Variants in SPATA32 observed in about 807,000 individuals in gnomAD.
The protein encoded by SPATA32 is spermatogenesis-associated protein 32.
Under a neutral mutation model 35.4 loss-of-function variants are expected in SPATA32, and 28 were observed. That is an observed-to-expected ratio of 0.79 (90% CI 0.59 to 1.09). The LOEUF (loss-of-function observed/expected upper bound fraction) is 1.09. Among genes scored for constraint, SPATA32 ranks in the 50% least tolerant of loss-of-function variants. SPATA32 has a pLI of 0.00. For synonymous variants in SPATA32, 168 were observed against 196.3 expected, an observed-to-expected ratio of 0.86 and a Z score of 1.20; for missense variants, 409 against 475.9, an observed-to-expected ratio of 0.86 and a Z score of 1.31.
intron 1 of SPATA32, chr17:45,261,117 C>G (rs1470459896): frequency 3.7e-5 from 1 of 27,278 alleles, no homozygotes; most frequent in Non-Finnish European, 6.9e-5. Flanking sequence ...TTTTTTTTGA[C>G]AGGGTCTTGC....
At position 45,261,318 on chromosome 17, in the gene SPATA32, C is replaced by T. The variant is rs142928829; in HGVS notation, c.13+686G>A. Among the ~76,000 whole-genome samples, 307 of 152,274 alleles carry T rather than the reference C, an allele frequency of 2.0e-3. 1 individual carries two copies. Among genetic ancestry groups the T allele is most frequent in the African/African-American group, 7.1e-3 (294 of 41,546 alleles). On this transcript the variant is annotated intron_variant, in intron 1 of 4. Transcript: ENST00000331780. ...TAGGCTGATCTTGAACTCCTGGCCT[C>T]ATGTGATCCTCCCACCTCTGCCTCC...
chr17:45,256,027 A>G lies in SPATA32; in HGVS notation c.155T>C (p.Leu52Pro). 1.2e-6 allele frequency: 2 copies of G among 1,613,070 alleles called. No homozygotes were observed. The highest frequency in any genetic ancestry group is 1.1e-5 in the South Asian group (1 of 91,004). ...LEQKPQLQVD[L>P]DLDPDPDPDP... ...TGGGTCTGGGTCTGGGTCCAGGTCC[A>G]GGTCCACTTGGAGTTGGGGCTTCTG... The change falls in exon 4 of 5, where the codon CTG (leucine) becomes CCG (proline). Residue 52 changes from leucine to proline, a missense_variant. Transcript: ENST00000331780. This position sits in a 1 kb window ranked among gnomAD's most constrained non-coding sequence, Gnocchi z 4.7.
intron 1 of SPATA32, among the ~76,000 whole-genome samples, chr17:45,258,679 C>T (rs181423968): frequency 2.0e-5 from 3 of 152,234 alleles, no homozygotes; most frequent in Admixed American, 1.3e-4. Flanking sequence ...CTGTCACCCA[C>T]GCTGGAGTGT....
Position 45,255,041 on chromosome 17 carries a change from C to T in SPATA32, c.1067+74G>A. 7.0e-7 allele frequency: 1 copy of T among 1,437,224 alleles called. No individual in the cohort carries two copies. Among genetic ancestry groups the T allele is most frequent in the Admixed American group, 1.8e-5 (1 of 55,312 alleles). The allele number at this position is 1,437,224 out of a possible 1,614,324, so 89.0% of individuals were successfully genotyped here. A position where few individuals can be genotyped will look rare whatever the true frequency, so the allele number is the denominator to read the frequency against. On this transcript the variant is annotated intron_variant, in intron 4 of 4. Coordinates refer to ENST00000331780, the MANE Select transcript of SPATA32 (RefSeq NM_152343.3). This position sits in a 1 kb window ranked among gnomAD's most constrained non-coding sequence, Gnocchi z 5.4. ...CTCATTCCACTGTTCCCCACCCCTA[C>T]CCAGCTGTGTGAGGACCCCTGCCAC... is the stretch of plus-strand genomic sequence containing the variant.
intron 1 of SPATA32, among the ~76,000 whole-genome samples, chr17:45,258,704 G>A (rs1043015203): frequency 2.6e-5 from 4 of 151,428 alleles, no homozygotes; most frequent in African/African-American, 7.3e-5. Context: ...GTGTGATCTC[G>A]GCTCACTGTA....
chr17:45,257,327 C>T, intron 1 of SPATA32, 120 bp from the exon 2 acceptor site: 4 of 1,093,614 alleles, frequency 3.7e-6, no homozygotes, highest in Non-Finnish European at 5.4e-6. Context: ...GCTATTCCCC[C>T]TCACCGTCCT....
chr17:45,259,588 C>T (rs763773966), intron 1 of SPATA32, among the ~76,000 whole-genome samples: 16 of 151,958 alleles, frequency 1.1e-4, no homozygotes, highest in African/African-American at 1.7e-4. Context: ...AGTTCAGTGG[C>T]GCAATTTCAG....
intron 1 of SPATA32, among the ~76,000 whole-genome samples, chr17:45,259,612 CCT>C: frequency 6.6e-6 from 1 of 151,946 alleles, no homozygotes; most frequent in South Asian, 2.1e-4. Flanking sequence ...CCTCAACCTC[CCT>C]GTCTCAAGTG....
At chr17:45,261,610 A>C (rs1341699571) in intron 1 of SPATA32, among the ~76,000 whole-genome samples, 1 of 152,248 alleles carries the variant, frequency 6.6e-6, no homozygotes, top group Non-Finnish European at 1.5e-5. Flanking sequence ...CAAAGCCTCA[A>C]GCATCAAGGA....
In SPATA32 at chr17:45,255,746, G is replaced by A; in HGVS notation, c.436C>T (p.His146Tyr). 1 of 1,614,046 alleles carries A rather than the reference G, an allele frequency of 6.2e-7. No individual in the cohort carries two copies. Among genetic ancestry groups the A allele is most frequent in the South Asian group, 1.1e-5 (1 of 91,084 alleles). Residue 146 changes from histidine (H) to tyrosine (Y), a missense_variant, in exon 4 of 5, where the codon CAT (histidine) becomes TAT (tyrosine). Coordinates refer to ENST00000331780, the MANE Select transcript of SPATA32 (RefSeq NM_152343.3). This position sits in a 1 kb window ranked among gnomAD's most constrained non-coding sequence, Gnocchi z 5.4. ...GAGGTCTGCGCACTGATGGAGTGAT[G>A]GCAGGCAGACACGTGGTTCTCCTCC... Reference protein sequence around the residue: ...FTEENHVSACHHSISAQTSKH... With the variant: ...FTEENHVSACYHSISAQTSKH...
intron 1 of SPATA32, chr17:45,261,801 G>A (rs1428893792): frequency 4.3e-6 from 2 of 465,410 alleles, no homozygotes; most frequent in Non-Finnish European, 7.0e-6. Flanking sequence ...GCACCGCGCA[G>A]GGGCTGAGGC....
In SPATA32 at chr17:45,255,907, T is replaced by C; in HGVS notation, c.275A>G (p.Asn92Ser). The C allele has an allele frequency of 4.3e-6, 7 of 1,614,072 alleles. No individual in the cohort carries two copies. Among genetic ancestry groups the C allele is most frequent in the South Asian group, 1.1e-5 (1 of 91,082 alleles). ...KLEAELDTEA[N>S]SNEESDFEEP... ...TTCAAAGTCAGACTCCTCGTTCGAG[T>C]TGGCTTCCGTGTCCAGCTCAGCTTC... Residue 92 changes from asparagine to serine, a missense_variant, in exon 4 of 5, where the codon AAC becomes AGC. By Grantham distance (46) the Asn-to-Ser change is conservative. Coordinates refer to ENST00000331780, the MANE Select transcript of SPATA32 (RefSeq NM_152343.3). The surrounding 1 kb of genome is among the most constrained non-coding windows in gnomAD (Gnocchi z 5.4).
rs1398917669 is a variant in SPATA32, at chr17:45,256,747, G to A, written c.69-332C>T. Among the ~76,000 whole-genome samples the A allele has an allele frequency of 6.6e-6, 1 of 152,208 alleles. No homozygotes were observed. Among genetic ancestry groups the A allele is most frequent in the South Asian group, 2.1e-4 (1 of 4,818 alleles). ...CAGGTGAGCTGGGGCAACTCACTTC[G>A]AGGATTAGTGCCCAGAACACTAGTC... On this transcript the variant is annotated intron_variant, in intron 2 of 4. Coordinates refer to ENST00000331780, the MANE Select transcript of SPATA32 (RefSeq NM_152343.3). The surrounding 1 kb of genome is among the most constrained non-coding windows in gnomAD (Gnocchi z 4.7).
rs746701164 is a variant in SPATA32, at chr17:45,254,443, T to C, written c.1138A>G (p.Thr380Ala). The C allele has an allele frequency of 6.2e-7, 1 of 1,614,200 alleles. No individual in the cohort carries two copies. Among genetic ancestry groups the C allele is most frequent in the South Asian group, 1.1e-5 (1 of 91,090 alleles). Residue 380 changes from threonine to alanine, a missense_variant, in exon 5 of 5, where the codon ACA (threonine) becomes GCA (alanine). By Grantham distance (58) the Thr-to-Ala change is moderately conservative. Transcript: ENST00000331780. ...CTGTCTAGTCATTTCTCTGGGATTGTGGGGGCTGACAGCTTAAAATGGATT... is the reference window on the plus strand; with the variant it reads ...CTGTCTAGTCATTTCTCTGGGATTGCGGGGGCTGACAGCTTAAAATGGATT... ...VKIHFKLSAP[T>A]IPEK is the part of the protein sequence containing the mutation.
chr17:45,262,057 T>C lies in SPATA32; in HGVS notation c.-41A>G, dbSNP rs745558156. 7.6e-7 allele frequency: 1 copy of C among 1,310,480 alleles called. No individual in the cohort carries two copies. The highest frequency in any genetic ancestry group is 3.1e-5 in the Admixed American group (1 of 32,742). 81.2% of individuals were successfully genotyped at this position (1,310,480 alleles called of 1,614,324 possible). A position where few individuals can be genotyped will look rare whatever the true frequency, so the allele number is the denominator to read the frequency against. On this transcript the variant is annotated 5_prime_UTR_variant, in exon 1 of 5. Coordinates refer to ENST00000331780, the MANE Select transcript of SPATA32 (RefSeq NM_152343.3). Reference sequence around the variant, plus strand: ...GTCCTGGAGGCGGGGAGCGGGCTGGTGGATGCTGCCTCTCCGCCTCCAGTG... The same window carrying C: ...GTCCTGGAGGCGGGGAGCGGGCTGGCGGATGCTGCCTCTCCGCCTCCAGTG...
rs1391957392 is a variant in SPATA32, at chr17:45,257,160, C to T, written c.61G>A (p.Glu21Lys). The change falls in exon 2 of 5, where the codon GAG (glutamate) becomes AAG (lysine). Residue 21 changes from glutamate to lysine, a missense_variant. Glu to Lys is a moderately conservative substitution (Grantham distance 56). Coordinates refer to ENST00000331780, the MANE Select transcript of SPATA32 (RefSeq NM_152343.3). ...CCGKGSVEVA[E>K]MRDDLSQHQI... ...ATTGAGGATGGTTCTCACCGCATCTCTGCAACCTCCACTGACCCTTTGCCG... is the reference window on the plus strand; with the variant it reads ...ATTGAGGATGGTTCTCACCGCATCTTTGCAACCTCCACTGACCCTTTGCCG... 1.9e-6 allele frequency: 3 copies of T among 1,612,512 alleles called. No homozygotes were observed. Among genetic ancestry groups the T allele is most frequent in the African/African-American group, 2.7e-5 (2 of 74,870 alleles).
rs541817437 is a variant in SPATA32 at position 45,254,997 on chromosome 17, C to T, written c.1067+118G>A. 3.0e-5 allele frequency: 30 copies of T among 993,014 alleles called. No homozygotes were observed. The African/African-American group carries it at 4.5e-4, about 15-fold the overall frequency. The allele number at this position is 993,014 out of a possible 1,614,324, so 61.5% of individuals were successfully genotyped here. A position where few individuals can be genotyped will look rare whatever the true frequency, so the allele number is the denominator to read the frequency against. ...CTGAGGTGGAGGCGTCACAGCCCACCACATCCTGCTCCCAGGCCCTCATTC... is the reference window on the plus strand; with the variant it reads ...CTGAGGTGGAGGCGTCACAGCCCACTACATCCTGCTCCCAGGCCCTCATTC... On this transcript the variant is annotated intron_variant, in intron 4 of 4. Transcript: ENST00000331780.
At chr17:45,254,547 C>G (rs1275920912) in intron 4 of SPATA32, 34 bp from the exon 5 acceptor site, 1 of 1,609,420 alleles carries the variant, frequency 6.2e-7, no homozygotes, top group African/African-American at 1.3e-5. Context: ...CACTTGGGCC[C>G]CAGAGGGTGG....
chr17:45,254,742 G>T (rs1442041261), intron 4 of SPATA32, among the ~76,000 whole-genome samples: 1 of 152,214 alleles, frequency 6.6e-6, no homozygotes, highest in African/African-American at 2.4e-5. Flanking sequence ...CTGGACCCCA[G>T]GGTTGGGGCC....
Sources: gnomAD v4.1 joint callset for allele counts (sites outside exome capture counted in the v4.1 genomes callset) on GRCh38, gnomAD v4.1.1 for gene constraint, Gnocchi (gnomAD v3.1) non-coding constraint, MANE v1.5 for transcripts, NCBI Gene and HGNC (gene_info 2026-07-23, HGNC 2026-07-21) for gene names.